Variants in CEP44 observed in about 807,000 individuals in gnomAD.
CEP44 encodes centrosomal protein 44, also known as centrosomal protein of 44 kDa.
A neutral mutation model predicts 46.7 loss-of-function variants in CEP44; 45 were observed. The observed-to-expected ratio is 0.96, with a 90% CI of 0.76 to 1.24. CEP44 has a LOEUF of 1.24. Among genes scored for constraint, CEP44 ranks in the 50% most tolerant of loss-of-function variants. The probability of loss-of-function intolerance (pLI) is 0.00; values close to 1 mark genes in which losing one functional copy is unlikely to be tolerated. For missense variants in CEP44, 475 were observed against 459.7 expected (o/e 1.03, Z -0.30); for synonymous variants, 142 against 146.0 (o/e 0.97, Z 0.20).
rs1731200076 is a variant in CEP44 at position 174,329,508 on chromosome 4, A to G, written c.1087-1974A>G. Among the ~76,000 whole-genome samples the G allele has an allele frequency of 6.6e-6, 1 of 152,182 alleles. No individual in the cohort carries two copies. Among genetic ancestry groups the G allele is most frequent in the Non-Finnish European group, 1.5e-5 (1 of 68,034 alleles). ...GCCTTCAAAGTTATAAAAGTTATAAAGTTGTCAATGTTGAAATATATTTGG... is the reference window on the plus strand; with the variant it reads ...GCCTTCAAAGTTATAAAAGTTATAAGGTTGTCAATGTTGAAATATATTTGG... On this transcript the variant is annotated intron_variant, in intron 8 of 8. Transcript: ENST00000426172. The surrounding 1 kb of genome is among the most constrained non-coding windows in gnomAD (Gnocchi z 4.0).
At chr4:174,298,418 G>A (rs184859526) in intron 2 of CEP44, among the ~76,000 whole-genome samples, 18 of 151,788 alleles carry the variant, frequency 1.2e-4, no homozygotes, top group East Asian at 3.9e-4. Flanking sequence ...CTCCTGATCC[G>A]CCCGCCTCGG....
chr4:174,300,950 A>T (rs1378831140), intron 3 of CEP44, among the ~76,000 whole-genome samples: 6 of 149,512 alleles, frequency 4.0e-5, no homozygotes, highest in African/African-American at 1.5e-4. Flanking sequence ...GTTCAAAGGT[A>T]TTTTTTTTTT....
At chr4:174,283,802 C>T, upstream of CEP44, 1 of 398,538 alleles carries the variant, frequency 2.5e-6, no homozygotes, top group Non-Finnish European at 4.4e-6. The surrounding 1 kb of genome is among the most constrained non-coding windows in gnomAD (Gnocchi z 6.7). Flanking sequence ...AAAAACTTCT[C>T]AGCTGCAAGT....
At position 174,316,201 on chromosome 4, in the gene CEP44, C is replaced by G. The variant is rs749383797; in HGVS notation, c.997C>G (p.Pro333Ala). The change falls in exon 10 of 12, where the codon CCT (proline) becomes GCT (alanine). Residue 333 changes from proline to alanine, a missense_variant. Coordinates refer to ENST00000503780, the MANE Select transcript of CEP44 (RefSeq NM_001040157.3). Reference sequence around the variant, plus strand: ...CGAAGTAGAGAGGCCAGCAAGTATTCCTCTGTCCTCTGGCTATAGTACAGC... The same window carrying G: ...CGAAGTAGAGAGGCCAGCAAGTATTGCTCTGTCCTCTGGCTATAGTACAGC... The part of the protein sequence containing the change: ...KSEVERPASI[P>A]LSSGYSTASS... 2 of 1,613,908 alleles carry G rather than the reference C, an allele frequency of 1.2e-6. No homozygotes were observed. The highest frequency in any genetic ancestry group is 4.5e-5 in the East Asian group (2 of 44,824).
Position 174,299,081 on chromosome 4 carries a change from T to C in CEP44, c.-41T>C, listed in dbSNP as rs1192111713. ...GGATTTCTATTTTCAGGTGAAAAAT[T>C]AGACGATTTCAAGAATTGGAGCTGA... On this transcript the variant is annotated 5_prime_UTR_variant, in exon 3 of 12. Coordinates refer to ENST00000503780, the MANE Select transcript of CEP44 (RefSeq NM_001040157.3). 1.3e-6 allele frequency: 2 copies of C among 1,539,998 alleles called. No homozygotes were observed. The highest frequency in any genetic ancestry group is 1.1e-5 in the South Asian group (1 of 87,096).
Position 174,309,715 on chromosome 4 carries a change from G to GAGAT in CEP44, c.679-132_679-129dup, listed in dbSNP as rs572399379. Reference sequence around the variant, plus strand: ...TAAGTGGCCAAGTAGTCTCCATCCAGAGATAGCTCTCTTAACTCTCAAGCA... The same window carrying GAGAT: ...TAAGTGGCCAAGTAGTCTCCATCCAGAGATAGATAGCTCTCTTAACTCTCAAGCA... On this transcript the variant is annotated intron_variant, in intron 7 of 11. Coordinates refer to ENST00000503780, the MANE Select transcript of CEP44 (RefSeq NM_001040157.3). This position sits in a 1 kb window ranked among gnomAD's most constrained non-coding sequence, Gnocchi z 5.3. The GAGAT allele has an allele frequency of 1.1e-3, 670 of 610,496 alleles. 4 individuals carry two copies. Among genetic ancestry groups the GAGAT allele is most frequent in the African/African-American group, 0.011 (590 of 54,156 alleles). 37.8% of individuals were successfully genotyped at this position (610,496 alleles called of 1,614,324 possible).
chr4:174,299,104 T>C lies in CEP44; in HGVS notation c.-18T>C. 6.2e-7 allele frequency: 1 copy of C among 1,601,430 alleles called. No homozygotes were observed. Among genetic ancestry groups the C allele is most frequent in the Non-Finnish European group, 8.5e-7 (1 of 1,173,046 alleles). On this transcript the variant is annotated 5_prime_UTR_variant, in exon 3 of 12. Transcript: ENST00000503780. ...ATTAGACGATTTCAAGAATTGGAGC[T>C]GAATCTGATGTTAAGTAATGGCAAC...
intron 6 of CEP44, 89 bp from the exon 7 acceptor site, chr4:174,308,600 C>G: frequency 7.9e-7 from 1 of 1,270,176 alleles, no homozygotes; most frequent in Non-Finnish European, 1.1e-6. Flanking sequence ...AACAAACCTG[C>G]ACATGGACCC....
At position 174,302,122 on chromosome 4, in the gene CEP44, T is replaced by A. The variant is rs907651312; in HGVS notation, c.173T>A (p.Ile58Lys). The A allele has an allele frequency of 2.5e-6, 4 of 1,611,902 alleles. No individual in the cohort carries two copies. Among genetic ancestry groups the A allele is most frequent in the Non-Finnish European group, 3.4e-6 (4 of 1,179,046 alleles). ...TSYSPYVTELIMESNVELIAK... is the reference protein window; with the variant it reads ...TSYSPYVTELKMESNVELIAK... Reference sequence around the variant, plus strand: ...TACTCACCTTATGTAACAGAACTTATAATGGAATCCAATGTAGAGCTCATA... The same window carrying A: ...TACTCACCTTATGTAACAGAACTTAAAATGGAATCCAATGTAGAGCTCATA... Residue 58 changes from isoleucine (I) to lysine (K), a missense_variant, in exon 4 of 12, where the codon ATA (isoleucine) becomes AAA (lysine). Coordinates refer to ENST00000503780, the MANE Select transcript of CEP44 (RefSeq NM_001040157.3).
At position 174,320,157 on chromosome 4, in the gene CEP44, A is replaced by G; in HGVS notation, c.*2774A>G. 1.0e-6 allele frequency: 1 copy of G among 985,056 alleles called. No individual in the cohort carries two copies. Among genetic ancestry groups the G allele is most frequent in the Non-Finnish European group, 1.2e-6 (1 of 829,604 alleles). The allele number at this position is 985,056 out of a possible 1,614,324, so 61.0% of individuals were successfully genotyped here. On this transcript the variant is annotated 3_prime_UTR_variant, in exon 12 of 12. Coordinates refer to ENST00000503780, the MANE Select transcript of CEP44 (RefSeq NM_001040157.3). ...TACTATAAAGAATACATAAGGTAAA[A>G]TACTAGTCAGAAAGGGTTCAGAAGA...
downstream of CEP44, among the ~76,000 whole-genome samples, chr4:174,325,228 G>A (rs975463191): frequency 1.3e-5 from 2 of 152,028 alleles, no homozygotes; most frequent in Non-Finnish European, 2.9e-5. This position sits in a 1 kb window ranked among gnomAD's most constrained non-coding sequence, Gnocchi z 4.4. Context: ...GGTTGTAAAG[G>A]GCCTCTATTG....
rs912556454 is a variant in CEP44, at chr4:174,303,102, C to T, written c.238-601C>T. ...GCCTCAAATAGTCTTTTAAAAAAAG[C>T]AGAGTTGCAGTCAATGAAATGGGAG... is the stretch of plus-strand genomic sequence containing the variant. On this transcript the variant is annotated intron_variant, in intron 4 of 11. Coordinates refer to ENST00000503780, the MANE Select transcript of CEP44 (RefSeq NM_001040157.3). 8.5e-5 allele frequency among the ~76,000 whole-genome samples: 13 copies of T among 152,070 alleles called. 1 individual carries two copies. The highest frequency in any genetic ancestry group is 8.5e-4 in the Admixed American group (13 of 15,262).
At position 174,288,644 on chromosome 4, in the gene CEP44, T is replaced by G. The variant is rs557143754; in HGVS notation, c.-148+4701T>G. On this transcript the variant is annotated intron_variant, in intron 1 of 11. Coordinates refer to ENST00000503780, the MANE Select transcript of CEP44 (RefSeq NM_001040157.3). The surrounding 1 kb of genome is among the most constrained non-coding windows in gnomAD (Gnocchi z 4.6). ...AGGCAAATTTGTTTATTCTCACATT[T>G]TTGTTGGGGTCCCTAAGGTTTTCTA... Among the ~76,000 whole-genome samples the G allele has an allele frequency of 3.4e-4, 52 of 152,278 alleles. No homozygotes were observed. The highest frequency in any genetic ancestry group is 1.2e-3 in the African/African-American group (51 of 41,572).
downstream of CEP44, among the ~76,000 whole-genome samples, chr4:174,324,928 C>G (rs2126696411): frequency 6.6e-6 from 1 of 152,260 alleles, no homozygotes; most frequent in Non-Finnish European, 1.5e-5. Context: ...AGTGTCCTCC[C>G]CTATAAGCTG....
rs1456730851 is a variant in CEP44, at chr4:174,304,337, G to T, written c.475G>T (p.Asp159Tyr). ...AATATCTGCAGAGGCTGTTGGCGTT[G>T]ATATCAGTGGCAGGTTTATGACCTC... ...EKISAEAVGV[D>Y]ISGRFMTSGK... Residue 159 changes from aspartate to tyrosine, a missense_variant, in exon 6 of 12, where the codon GAT becomes TAT. Coordinates refer to ENST00000503780, the MANE Select transcript of CEP44 (RefSeq NM_001040157.3). 1 of 1,611,718 alleles carries T rather than the reference G, an allele frequency of 6.2e-7. No individual in the cohort carries two copies. Among genetic ancestry groups the T allele is most frequent in the Non-Finnish European group, 8.5e-7 (1 of 1,179,320 alleles).
At chr4:174,295,541 C>A (rs539719857) in intron 1 of CEP44, among the ~76,000 whole-genome samples, 1 of 139,554 alleles carries the variant, frequency 7.2e-6, no homozygotes, top group Non-Finnish European at 1.5e-5. Context: ...ACGTCCCAGA[C>A]GATGGGCGGC....
chr4:174,284,532 A>G (rs1737343148), intron 1 of CEP44, among the ~76,000 whole-genome samples: 1 of 152,218 alleles, frequency 6.6e-6, no homozygotes, highest in Non-Finnish European at 1.5e-5. Flanking sequence ...ATTGAAGGCT[A>G]CAGATTTTTC....
In CEP44 at chr4:174,320,280, T is replaced by C. The variant is rs1037944241; in HGVS notation, c.*2897T>C. On this transcript the variant is annotated 3_prime_UTR_variant, in exon 12 of 12. Transcript: ENST00000503780. ...TGTTTGCTTGTTTTCCTCTACTGTTTTTAATGTGATGTTGTAATATATTTT... is the reference window on the plus strand; with the variant it reads ...TGTTTGCTTGTTTTCCTCTACTGTTCTTAATGTGATGTTGTAATATATTTT... 1 of 980,584 alleles carries C rather than the reference T, an allele frequency of 1.0e-6. No individual in the cohort carries two copies. Among genetic ancestry groups the C allele is most frequent in the African/African-American group, 1.8e-5 (1 of 57,044 alleles). 60.7% of individuals were successfully genotyped at this position (980,584 alleles called of 1,614,324 possible).
Position 174,318,802 on chromosome 4 carries a change from C to T in CEP44, c.*1419C>T, listed in dbSNP as rs114313926. On this transcript the variant is annotated 3_prime_UTR_variant, in exon 12 of 12. Coordinates refer to ENST00000503780, the MANE Select transcript of CEP44 (RefSeq NM_001040157.3). ...CTTTTAAGAAAACATTTTTAGAATTCCTTTGTTTTTTTTTTTTTTCTTTTT... is the reference window on the plus strand; with the variant it reads ...CTTTTAAGAAAACATTTTTAGAATTTCTTTGTTTTTTTTTTTTTTCTTTTT... 0.047 allele frequency: 34,384 copies of T among 729,816 alleles called. 1,110 individuals carry two copies. Among genetic ancestry groups the T allele is most frequent in the South Asian group, 0.17 (2,540 of 14,940 alleles). 45.2% of individuals were successfully genotyped at this position (729,816 alleles called of 1,614,324 possible). A position where few individuals can be genotyped will look rare whatever the true frequency, so the allele number is the denominator to read the frequency against.
Sources: gnomAD v4.1 joint callset for allele counts (sites outside exome capture counted in the v4.1 genomes callset) on GRCh38, gnomAD v4.1.1 for gene constraint, Gnocchi (gnomAD v3.1) non-coding constraint, MANE v1.5 for transcripts, NCBI Gene and HGNC (gene_info 2026-07-23, HGNC 2026-07-21) for gene names.